The following PGAP1 variants were observed in gnomAD, a reference collection of about 807,000 sequenced individuals.
The protein encoded by PGAP1 is post-GPI attachment to proteins inositol deacylase 1.
Under a neutral mutation model 127.0 loss-of-function variants are expected in PGAP1, and 76 were observed. The ratio of observed to expected loss-of-function variants is 0.60; its 90% CI spans 0.50 to 0.72. PGAP1 has a LOEUF of 0.72. PGAP1 is among the 30% of genes least tolerant of loss of function. PGAP1 has a pLI of 0.00. For missense variants in PGAP1, 982 were observed against 1,071.3 expected (o/e 0.92, Z 1.16); for synonymous variants, 362 against 366.5 (o/e 0.99, Z 0.14).
intron 10 of PGAP1, among the ~76,000 whole-genome samples, chr2:196,888,565 C>T (rs1173194508): frequency 6.6e-6 from 1 of 151,106 alleles, no homozygotes; most frequent in African/African-American, 2.4e-5. Flanking sequence ...TCAGTTAAAC[C>T]TAGATTGTGG....
intron 20 of PGAP1, among the ~76,000 whole-genome samples, chr2:196,848,641 T>C (rs1342461058): frequency 6.6e-6 from 1 of 152,196 alleles, no homozygotes; most frequent in African/African-American, 2.4e-5. Context: ...ATTTAATTTC[T>C]TTTTAATCAA....
intron 13 of PGAP1, among the ~76,000 whole-genome samples, chr2:196,879,075 A>G (rs1313704879): frequency 6.6e-6 from 1 of 152,036 alleles, no homozygotes; most frequent in Non-Finnish European, 1.5e-5. Flanking sequence ...ATTTTATTTC[A>G]TTTTAAAAGT....
Position 196,836,424 on chromosome 2 carries a change from A to G in PGAP1, c.*4810T>C, listed in dbSNP as rs571923163. On this transcript the variant is annotated 3_prime_UTR_variant, in exon 27 of 27. Transcript: ENST00000354764. ...AAATGTTATTCTGTTGTCAAAACTA[A>G]GTTATTAACAGATAATAAATTCATA... 2 of 152,492 alleles carry G rather than the reference A, an allele frequency of 1.3e-5. No individual in the cohort carries two copies. The highest frequency in any genetic ancestry group is 6.5e-5 in the Admixed American group (1 of 15,296). 9.4% of individuals were successfully genotyped at this position (152,492 alleles called of 1,614,324 possible).
At position 196,893,247 on chromosome 2, in the gene PGAP1, T is replaced by C; in HGVS notation, c.928-2A>G. On this transcript the variant is annotated splice_acceptor_variant, in intron 7 of 26. Transcript: ENST00000354764. LOFTEE classifies it high-confidence loss of function. ...TTTCTTCTTGGAATTTTGAGTTATC[T>C]AGAAAGAACATTGATACATTCTGTA... The C allele has an allele frequency of 6.9e-7, 1 of 1,457,702 alleles. No homozygotes were observed. The highest frequency in any genetic ancestry group is 9.6e-7 in the Non-Finnish European group (1 of 1,040,844). The allele number at this position is 1,457,702 out of a possible 1,614,324, so 90.3% of individuals were successfully genotyped here.
At chr2:196,849,681 G>A (rs1160760740) in intron 20 of PGAP1, among the ~76,000 whole-genome samples, 1 of 152,128 alleles carries the variant, frequency 6.6e-6, no homozygotes, top group Non-Finnish European at 1.5e-5. Context: ...ACTAAAGGCA[G>A]ACTTGAAATT....
At position 196,835,811 on chromosome 2, in the gene PGAP1, C is replaced by T. The variant is rs1166888185; in HGVS notation, c.*5423G>A. 4 of 151,922 alleles carry T rather than the reference C, an allele frequency of 2.6e-5. No individual in the cohort carries two copies. Among genetic ancestry groups the T allele is most frequent in the African/African-American group, 4.8e-5 (2 of 41,284 alleles). 9.4% of individuals were successfully genotyped at this position (151,922 alleles called of 1,614,324 possible). A position where few individuals can be genotyped will look rare whatever the true frequency, so the allele number is the denominator to read the frequency against. ...TGCTAAAGAGAATTCAAATGTGTCT[C>T]TTTTTTTTGCTAAAAAAGGGATGTA... is the stretch of plus-strand genomic sequence containing the variant. On this transcript the variant is annotated 3_prime_UTR_variant, in exon 27 of 27. Coordinates refer to ENST00000354764, the MANE Select transcript of PGAP1 (RefSeq NM_024989.4).
chr2:196,850,735 G>C (rs570272723), intron 20 of PGAP1, among the ~76,000 whole-genome samples: 9 of 149,936 alleles, frequency 6.0e-5, no homozygotes, highest in African/African-American at 2.2e-4. Flanking sequence ...GAAAGAGGAA[G>C]ATGAAAAAAA....
At chr2:196,912,580 T>TAAAAAA (rs531959600) in intron 4 of PGAP1, among the ~76,000 whole-genome samples, 1 of 82,480 alleles carries the variant, frequency 1.2e-5, no homozygotes, top group Non-Finnish European at 2.5e-5. Flanking sequence ...ACCCTGTCTT[T>TAAAAAA]AAAAAAAAAA....
intron 5 of PGAP1, among the ~76,000 whole-genome samples, chr2:196,899,392 G>A (rs1702399388): frequency 6.6e-6 from 1 of 152,162 alleles, no homozygotes; most frequent in Non-Finnish European, 1.5e-5. Context: ...GGAATCTACA[G>A]CTTACTTGAT....
intron 4 of PGAP1, among the ~76,000 whole-genome samples, chr2:196,904,759 T>C (rs1419422718): frequency 1.3e-5 from 2 of 151,108 alleles, no homozygotes; most frequent in Non-Finnish European, 2.9e-5. Context: ...GGAGGCTTGG[T>C]TAGCTGGATC....
Position 196,837,353 on chromosome 2 carries a change from G to A in PGAP1, c.*3881C>T, listed in dbSNP as rs1700265987. 6.6e-6 allele frequency: 1 copy of A among 152,166 alleles called. No individual in the cohort carries two copies. The highest frequency in any genetic ancestry group is 6.6e-5 in the Admixed American group (1 of 15,260). 9.4% of individuals were successfully genotyped at this position (152,166 alleles called of 1,614,324 possible). On this transcript the variant is annotated 3_prime_UTR_variant, in exon 27 of 27. Coordinates refer to ENST00000354764, the MANE Select transcript of PGAP1 (RefSeq NM_024989.4). ...GAATTAAGAAAAGTATAGGAACTAG[G>A]CCAGGTGGTCATGCCTGAAATCCCA...
chr2:196,847,147 G>A lies in PGAP1; in HGVS notation c.2006C>T (p.Ala669Val). 1 of 1,612,910 alleles carries A rather than the reference G, an allele frequency of 6.2e-7. No individual in the cohort carries two copies. The highest frequency in any genetic ancestry group is 8.5e-7 in the Non-Finnish European group (1 of 1,179,304). ...WDVLLLPELD[A>V]VILTCQSMCF... ...CATACTCTGACAAGTTAAAATGACG[G>A]CATCTAATTCTGGTAACAATAATAC... The change falls in exon 22 of 27, where the codon GCC (alanine) becomes GTC (valine). Residue 669 changes from alanine to valine, a missense_variant. By Grantham distance (64) the Ala-to-Val change is moderately conservative. Transcript: ENST00000354764.
chr2:196,871,507 A>G (rs1196118012), intron 18 of PGAP1, among the ~76,000 whole-genome samples: 2 of 152,130 alleles, frequency 1.3e-5, no homozygotes, highest in Non-Finnish European at 2.9e-5. Flanking sequence ...CAGTAGTTGG[A>G]GTCAAATTTT....
chr2:196,857,296 C>A (rs1700917374), intron 20 of PGAP1, among the ~76,000 whole-genome samples: 1 of 152,194 alleles, frequency 6.6e-6, no homozygotes, highest in Admixed American at 6.5e-5. Flanking sequence ...CAGTTTAATG[C>A]TGGCCCAGCA....
At chr2:196,901,581 A>G (rs530078041) in intron 5 of PGAP1, among the ~76,000 whole-genome samples, 1 of 152,356 alleles carries the variant, frequency 6.6e-6, no homozygotes, top group African/African-American at 2.4e-5. Context: ...TGAGTTAAGA[A>G]GCTAAGATCT....
intron 20 of PGAP1, among the ~76,000 whole-genome samples, chr2:196,860,569 T>C (rs1046090238): frequency 6.6e-6 from 1 of 151,550 alleles, no homozygotes; most frequent in African/African-American, 2.4e-5. Context: ...ACAAAAAAAA[T>C]AAATCAAGAG....
Position 196,920,083 on chromosome 2 carries a change from C to A in PGAP1, c.215G>T (p.Gly72Val). The A allele has an allele frequency of 1.2e-6, 2 of 1,613,338 alleles. No homozygotes were observed. The highest frequency in any genetic ancestry group is 1.7e-6 in the Non-Finnish European group (2 of 1,179,534). ...PAYELYLYGE[G>V]SYAEEHKILP... ...AATTTTGTGTTCTTCAGCATAGGAT[C>A]CCTCTCCATAAAGATACAACTCATA... The change falls in exon 2 of 27, where the codon GGA (glycine) becomes GTA (valine). Residue 72 changes from glycine (G) to valine (V), a missense_variant. Coordinates refer to ENST00000354764, the MANE Select transcript of PGAP1 (RefSeq NM_024989.4).
intron 4 of PGAP1, among the ~76,000 whole-genome samples, chr2:196,905,843 C>CG (rs1366583597): frequency 8.4e-6 from 1 of 119,526 alleles, no homozygotes; most frequent in African/African-American, 3.2e-5. Flanking sequence ...GGGTGACGGA[C>CG]GCACCTGGAA....
chr2:196,871,103 A>G (rs911901333), intron 18 of PGAP1, 124 bp from the exon 19 acceptor site: 2 of 627,148 alleles, frequency 3.2e-6, no homozygotes, highest in Non-Finnish European at 5.4e-6. Flanking sequence ...GGTAAACCTT[A>G]AAGGCACTCA....
Sources: gnomAD v4.1 joint callset for allele counts (sites outside exome capture counted in the v4.1 genomes callset) on GRCh38, gnomAD v4.1.1 for gene constraint, MANE v1.5 for transcripts, NCBI Gene and HGNC (gene_info 2026-07-23, HGNC 2026-07-21) for gene names.